SLCO3A1: variants seen among roughly 807,000 people sequenced by gnomAD.
SLCO3A1 encodes PGE1 transporter.
In SLCO3A1, 27 loss-of-function variants were observed where a neutral mutation model predicts 63.1. That is an observed-to-expected ratio of 0.43 (90% CI 0.32 to 0.59). SLCO3A1 has a LOEUF of 0.59. SLCO3A1 is among the 20% of genes least tolerant of loss of function. The pLI, the probability that SLCO3A1 is intolerant of heterozygous loss-of-function variation, is 0.09. For synonymous variants in SLCO3A1, 473 were observed against 409.9 expected (o/e 1.15, Z -1.86); for missense variants, 773 against 945.8 (o/e 0.82, Z 2.40).
At chr15:92,090,191 A>G (rs942002347) in intron 2 of SLCO3A1, among the ~76,000 whole-genome samples, 2 of 152,184 alleles carry the variant, frequency 1.3e-5, no homozygotes, top group African/African-American at 2.4e-5. Context: ...CACAGCAACT[A>G]TGGAAAACTC....
chr15:92,164,897 C>T lies in SLCO3A1; in HGVS notation c.*1762C>T. 1 of 985,420 alleles carries T rather than the reference C, an allele frequency of 1.0e-6. No individual in the cohort carries two copies. Among genetic ancestry groups the T allele is most frequent in the South Asian group, 4.7e-5 (1 of 21,278 alleles). The allele number at this position is 985,420 out of a possible 1,614,324, so 61.0% of individuals were successfully genotyped here. ...CACACACAACAAAGGGCCCTGCTAA[C>T]TTACTCCTCATGCTGCTTCAGTGAC... On this transcript the variant is annotated 3_prime_UTR_variant, in exon 10 of 10. Transcript: ENST00000318445.
rs1804206447 is a variant in SLCO3A1, at chr15:91,860,252, A to G, written c.180+6164A>G. On this transcript the variant is annotated intron_variant, in intron 1 of 9. Transcript: ENST00000318445. This position sits in a 1 kb window ranked among gnomAD's most constrained non-coding sequence, Gnocchi z 5.5. ...CCACTGGGTGCTGAAGGCTGAGGGT[A>G]GGTGGAAAGAATGTTGGACTTGGAG... is the stretch of plus-strand genomic sequence containing the variant. Among the ~76,000 whole-genome samples, 1 of 152,158 alleles carries G rather than the reference A, an allele frequency of 6.6e-6. No individual in the cohort carries two copies. Among genetic ancestry groups the G allele is most frequent in the African/African-American group, 2.4e-5 (1 of 41,424 alleles).
Position 92,163,812 on chromosome 15 carries a change from C to G in SLCO3A1, c.*677C>G. On this transcript the variant is annotated 3_prime_UTR_variant, in exon 10 of 10. Coordinates refer to ENST00000318445, the MANE Select transcript of SLCO3A1 (RefSeq NM_013272.4). ...GTGCTGGAGTTTGTAATTGGCACCT[C>G]TCACCAGCTCCATTTCCATGTTCAA... 1 of 985,432 alleles carries G rather than the reference C, an allele frequency of 1.0e-6. No individual in the cohort carries two copies. The highest frequency in any genetic ancestry group is 1.2e-6 in the Non-Finnish European group (1 of 829,988). The allele number at this position is 985,432 out of a possible 1,614,324, so 61.0% of individuals were successfully genotyped here.
intron 2 of SLCO3A1, among the ~76,000 whole-genome samples, chr15:91,973,256 G>T (rs892127103): frequency 6.6e-6 from 1 of 152,192 alleles, no homozygotes; most frequent in East Asian, 1.9e-4. Context: ...ATTCTCAGGT[G>T]CCTGCTCCTC....
rs1897084604 is a variant in SLCO3A1, at chr15:91,863,016, C to A, written c.180+8928C>A. On this transcript the variant is annotated intron_variant, in intron 1 of 9. Transcript: ENST00000318445. This position sits in a 1 kb window ranked among gnomAD's most constrained non-coding sequence, Gnocchi z 4.3. ...AAGCAGGTTGAAATTGGGAGAGCTG[C>A]CCTCAGCTGATTATATAAGCTATAA... is the stretch of plus-strand genomic sequence containing the variant. Among the ~76,000 whole-genome samples, 1 of 152,174 alleles carries A rather than the reference C, an allele frequency of 6.6e-6. No homozygotes were observed. The highest frequency in any genetic ancestry group is 1.5e-5 in the Non-Finnish European group (1 of 68,044).
chr15:92,028,869 T>C (rs941876227), intron 2 of SLCO3A1, among the ~76,000 whole-genome samples: 4 of 150,566 alleles, frequency 2.7e-5, no homozygotes, highest in African/African-American at 9.9e-5. Context: ...GGCGTATCAG[T>C]TAGGAGATCT....
chr15:92,074,466 C>G (rs1252307122), intron 2 of SLCO3A1, among the ~76,000 whole-genome samples: 4 of 152,182 alleles, frequency 2.6e-5, no homozygotes, highest in Admixed American at 2.6e-4. Flanking sequence ...GATCGTTTCT[C>G]CAGTTCTGGT....
intron 2 of SLCO3A1, among the ~76,000 whole-genome samples, chr15:92,094,097 G>A (rs2047510163): frequency 6.6e-6 from 1 of 152,154 alleles, no homozygotes; most frequent in South Asian, 2.1e-4. Context: ...TACAGCCTGT[G>A]GGTTTGAATT....
chr15:92,021,931 A>G (rs1275084157), intron 2 of SLCO3A1, among the ~76,000 whole-genome samples: 2 of 152,200 alleles, frequency 1.3e-5, no homozygotes, highest in African/African-American at 4.8e-5. Context: ...TCAGAAAGCA[A>G]AGGCCAAAGC....
At chr15:92,151,215 T>G (rs1347872523) in intron 9 of SLCO3A1, 3 of 533,932 alleles carry the variant, frequency 5.6e-6, no homozygotes, top group Non-Finnish European at 9.8e-6. Context: ...AAGTTCTCAT[T>G]TATACCAACT....
chr15:92,010,855 G>GA (rs1007622650), intron 2 of SLCO3A1, among the ~76,000 whole-genome samples: 3 of 152,124 alleles, frequency 2.0e-5, no homozygotes, highest in East Asian at 1.9e-4. Context: ...ACTTTGTTCT[G>GA]AAAAAATAGC....
chr15:92,059,426 T>A (rs528677394), intron 2 of SLCO3A1, among the ~76,000 whole-genome samples: 1 of 151,822 alleles, frequency 6.6e-6, no homozygotes, highest in Non-Finnish European at 1.5e-5. Context: ...TCCTCAGGAG[T>A]GTCACATTCC....
At chr15:92,109,075 C>A (rs1206414849) in intron 4 of SLCO3A1, among the ~76,000 whole-genome samples, 1 of 152,170 alleles carries the variant, frequency 6.6e-6, no homozygotes, top group Non-Finnish European at 1.5e-5. Context: ...TAAATGAATA[C>A]TTTCTTGCAA....
chr15:92,165,986 G>A, downstream of SLCO3A1: 2 of 718,740 alleles, frequency 2.8e-6, no homozygotes, highest in Non-Finnish European at 3.4e-6. Flanking sequence ...GTCTCTCTCT[G>A]CTGAAATTGA....
chr15:91,908,565 G>A (rs1281636359), intron 1 of SLCO3A1: 1 of 152,004 alleles, frequency 6.6e-6, no homozygotes, highest in Non-Finnish European at 1.5e-5. Flanking sequence ...AACTGTAAAT[G>A]ACTCACCCCA....
chr15:91,937,264 C>T (rs1463340654), intron 2 of SLCO3A1, among the ~76,000 whole-genome samples: 4 of 152,166 alleles, frequency 2.6e-5, no homozygotes, highest in Non-Finnish European at 4.4e-5. Context: ...CAGCTTTCTG[C>T]CTTACCTAGG....
intron 7 of SLCO3A1, among the ~76,000 whole-genome samples, chr15:92,131,346 T>TGAAACTATCCCCCAAAC (rs2047993471): frequency 1.4e-5 from 2 of 141,204 alleles, no homozygotes; most frequent in Admixed American, 7.2e-5. Context: ...AGCCTCAACC[T>TGAAACTATCCCCCAAAC]CCCTATTCCT....
chr15:91,943,646 C>T (rs112129115), intron 2 of SLCO3A1, among the ~76,000 whole-genome samples: 27 of 152,074 alleles, frequency 1.8e-4, no homozygotes, highest in African/African-American at 6.3e-4. Flanking sequence ...TTTAATTTTT[C>T]GAGGAACCGC....
At chr15:92,034,450 G>A (rs535382142) in intron 2 of SLCO3A1, among the ~76,000 whole-genome samples, 1 of 151,630 alleles carries the variant, frequency 6.6e-6, no homozygotes, top group Non-Finnish European at 1.5e-5. Context: ...GAGTTTATGA[G>A]TCATCGGGGT....
Sources: allele counts gnomAD v4.1 joint callset (sites outside exome capture counted in the v4.1 genomes callset), GRCh38; gene constraint gnomAD v4.1.1; non-coding constraint Gnocchi (gnomAD v3.1); transcripts MANE v1.5; gene names NCBI Gene and HGNC (gene_info 2026-07-23, HGNC 2026-07-21).